CHIC2: variants seen among roughly 807,000 people sequenced by gnomAD.
CHIC2 encodes the protein cysteine rich hydrophobic domain 2.
CHIC2 carries 14 observed loss-of-function variants against 25.9 expected under a neutral mutation model. The observed-to-expected ratio is 0.54, with a 90% CI of 0.36 to 0.85. CHIC2 has a LOEUF of 0.85. CHIC2 is among the 40% of genes least tolerant of loss of function. The pLI, the probability that CHIC2 is intolerant of heterozygous loss-of-function variation, is 0.01. For synonymous variants in CHIC2, 70 were observed against 72.0 expected (o/e 0.97, Z 0.14); for missense variants, 146 against 202.0 (o/e 0.72, Z 1.68).
chr4:54,032,272 C>CCCCTCCCCCTCCCTCT (rs1716252054), intron 3 of CHIC2, among the ~76,000 whole-genome samples: 1 of 134,918 alleles, frequency 7.4e-6, no homozygotes, highest in Non-Finnish European at 1.6e-5. Flanking sequence ...CCTCCCCCTC[C>CCCCTCCCCCTCCCTCT]CCCTCCCCCT....
At chr4:54,012,043 T>C (rs1381930134) in intron 5 of CHIC2, among the ~76,000 whole-genome samples, 1 of 151,990 alleles carries the variant, frequency 6.6e-6, no homozygotes, top group Non-Finnish European at 1.5e-5. Context: ...TACATTATTC[T>C]CACTTTCAAC....
chr4:54,091,240 C>G, the CHIC2 span, among the ~76,000 whole-genome samples: 4 of 152,128 alleles, frequency 2.6e-5, no homozygotes. Context: ...CGCTGAGTGA[C>G]GCCAGTTTCA....
intron 1 of CHIC2, chr4:54,060,677 A>T (rs560444696): frequency 5.1e-4 from 77 of 152,282 alleles, no homozygotes; most frequent in African/African-American, 1.7e-3. Context: ...TCAATAAATG[A>T]TCAACATATT....
chr4:54,048,674 T>A (rs1716906941), intron 3 of CHIC2, among the ~76,000 whole-genome samples: 3 of 152,078 alleles, frequency 2.0e-5, no homozygotes, highest in South Asian at 4.1e-4. Context: ...GAAGCCAGCA[T>A]CCTTGATCAC....
chr4:54,087,460 T>C, the CHIC2 span: 29 of 753,246 alleles, frequency 3.9e-5, no homozygotes, highest in Non-Finnish European at 5.9e-5. Context: ...AGGCAGTTAA[T>C]GAAATTGTGA....
At chr4:54,085,218 A>G in the CHIC2 span, among the ~76,000 whole-genome samples, 1 of 152,202 alleles carries the variant, frequency 6.6e-6, no homozygotes, top group Non-Finnish European at 1.5e-5. Context: ...TGGTAATTTT[A>G]TATTTACATC....
intron 3 of CHIC2, among the ~76,000 whole-genome samples, chr4:54,032,746 T>G (rs1454967940): frequency 6.6e-6 from 1 of 152,164 alleles, no homozygotes; most frequent in East Asian, 1.9e-4. Flanking sequence ...ACTGAGAAAC[T>G]GCCAAAAGTG....
At chr4:54,065,238 AT>A (rs368744053), upstream of CHIC2, 26,998 of 630,342 alleles carry the variant, frequency 0.043, 2 homozygotes, top group Non-Finnish European at 0.047. Context: ...CGATGCTGGT[AT>A]TTTTTTTTTT....
chr4:54,065,439 T>C (rs1164007744), upstream of CHIC2: 3 of 381,564 alleles, frequency 7.9e-6, no homozygotes, highest in Non-Finnish European at 1.1e-5. Flanking sequence ...AAAAAAGACC[T>C]GAAAGAAAGG....
intron 1 of CHIC2, among the ~76,000 whole-genome samples, chr4:54,050,917 ACT>A (rs1416437058): frequency 1.3e-5 from 2 of 151,970 alleles, no homozygotes; most frequent in Admixed American, 6.6e-5. Flanking sequence ...TTGAAATGCC[ACT>A]CTTTCCTTAG....
At chr4:54,050,064 A>G (rs1716953267) in intron 1 of CHIC2, among the ~76,000 whole-genome samples, 1 of 152,172 alleles carries the variant, frequency 6.6e-6, no homozygotes, top group Non-Finnish European at 1.5e-5. Flanking sequence ...GCTTTTATCT[A>G]TCAGAAGTCT....
chr4:54,049,358 T>G, intron 1 of CHIC2, 53 bp from the exon 2 acceptor site: 1 of 1,184,980 alleles, frequency 8.4e-7, no homozygotes, highest in Non-Finnish European at 1.2e-6. Context: ...TTGCCAAAAA[T>G]GTAGACCATT....
intron 3 of CHIC2, among the ~76,000 whole-genome samples, chr4:54,034,319 G>A (rs1436769748): frequency 1.3e-5 from 2 of 151,982 alleles, no homozygotes; most frequent in South Asian, 2.1e-4. Context: ...CAGGAGAATC[G>A]CTTGAACCTG....
At chr4:54,043,229 G>T (rs1184662257) in intron 3 of CHIC2, among the ~76,000 whole-genome samples, 1 of 152,082 alleles carries the variant, frequency 6.6e-6, no homozygotes, top group African/African-American at 2.4e-5. Flanking sequence ...AGACCATCCT[G>T]CCTAACACAG....
rs1027854049 is a variant in CHIC2, at chr4:54,009,967, A to C, written c.*128T>G. ...CATGCGGTTATTTAAAAAAAAAACA[A>C]AAACAAAAACAAAAAAAACACCACA... is the stretch of plus-strand genomic sequence containing the variant. On this transcript the variant is annotated 3_prime_UTR_variant, in exon 6 of 6. Transcript: ENST00000263921. The C allele has an allele frequency of 7.0e-6, 4 of 569,380 alleles. No homozygotes were observed. Among genetic ancestry groups the C allele is most frequent in the African/African-American group, 2.0e-5 (1 of 50,838 alleles). 35.3% of individuals were successfully genotyped at this position (569,380 alleles called of 1,614,324 possible).
At chr4:54,047,787 T>C (rs7674439) in intron 3 of CHIC2, among the ~76,000 whole-genome samples, 60,220 of 151,608 alleles carry the variant, frequency 0.4, 12,989 homozygotes, top group African/African-American at 0.56. Flanking sequence ...TACCCTAGAA[T>C]TTAACGTATA....
At chr4:54,024,908 C>T (rs1367747830) in intron 3 of CHIC2, among the ~76,000 whole-genome samples, 1 of 152,028 alleles carries the variant, frequency 6.6e-6, no homozygotes, top group African/African-American at 2.4e-5. Flanking sequence ...TTCTAACAAC[C>T]CCACAATATC....
rs28887207 is a variant in CHIC2 at position 54,023,568 on chromosome 4, T to C, written c.331-9449A>G. Reference sequence around the variant, plus strand: ...TCTCTCTGATCCACTTGACATTCACTCCATTTCCCCATATTTCCTTCTTTC... The same window carrying C: ...TCTCTCTGATCCACTTGACATTCACCCCATTTCCCCATATTTCCTTCTTTC... On this transcript the variant is annotated intron_variant, in intron 3 of 5. Transcript: ENST00000263921. Among the ~76,000 whole-genome samples, 1,186 of 152,168 alleles carry C rather than the reference T, an allele frequency of 7.8e-3. 16 individuals are homozygous for C. The highest frequency in any genetic ancestry group is 0.028 in the African/African-American group (1,146 of 41,506).
intron 3 of CHIC2, among the ~76,000 whole-genome samples, chr4:54,038,252 T>C (rs1716452610): frequency 1.3e-5 from 2 of 152,226 alleles, no homozygotes; most frequent in Non-Finnish European, 1.5e-5. Flanking sequence ...GTTCCTGGAA[T>C]TTAATAAGTG....
Sources: allele counts gnomAD v4.1 joint callset (sites outside exome capture counted in the v4.1 genomes callset), GRCh38; gene constraint gnomAD v4.1.1; transcripts MANE v1.5; gene names NCBI Gene and HGNC (gene_info 2026-07-23, HGNC 2026-07-21).